The following MGAT3 variants were observed in gnomAD, a reference collection of about 807,000 sequenced individuals.
The protein encoded by MGAT3 is GlcNAc-T III.
MGAT3 carries 9 observed loss-of-function variants against 29.8 expected under a neutral mutation model. The ratio of observed to expected loss-of-function variants is 0.30; its 90% CI spans 0.18 to 0.53. MGAT3 has a LOEUF of 0.53. Among genes scored for constraint, MGAT3 ranks in the 20% least tolerant of loss-of-function variants. MGAT3 has a pLI of 0.96. For synonymous variants in MGAT3, 397 were observed against 348.9 expected (o/e 1.14, Z -1.54); for missense variants, 557 against 769.5 (o/e 0.72, Z 3.27).
intron 1 of MGAT3, among the ~76,000 whole-genome samples, chr22:39,479,184 T>C (rs1483278409): frequency 6.6e-6 from 1 of 152,102 alleles, no homozygotes; most frequent in Admixed American, 6.6e-5. Flanking sequence ...AAAAAAATGT[T>C]TAAAAAATCA....
Position 39,488,291 on chromosome 22 carries a change from T to C in MGAT3, c.944T>C (p.Ile315Thr). The change falls in exon 2 of 2, where the codon ATT becomes ACT. Residue 315 changes from isoleucine (I) to threonine (T), a missense_variant. Transcript: ENST00000341184. ...RNLRPDDVFI[I>T]DDADEIPARD... Reference sequence around the variant, plus strand: ...CTGCGGCCCGACGACGTCTTCATCATTGACGATGCGGACGAGATCCCGGCC... The same window carrying C: ...CTGCGGCCCGACGACGTCTTCATCACTGACGATGCGGACGAGATCCCGGCC... 1 of 1,611,850 alleles carries C rather than the reference T, an allele frequency of 6.2e-7. No homozygotes were observed. Among genetic ancestry groups the C allele is most frequent in the Non-Finnish European group, 8.5e-7 (1 of 1,179,966 alleles).
intron 1 of MGAT3, among the ~76,000 whole-genome samples, chr22:39,486,832 G>GT (rs1268259934): frequency 6.6e-6 from 1 of 152,172 alleles, no homozygotes; most frequent in Non-Finnish European, 1.5e-5. Context: ...TTAGAATTAA[G>GT]TGTTTTCCCT....
chr22:39,480,800 A>G (rs1929100731), intron 1 of MGAT3, among the ~76,000 whole-genome samples: 1 of 152,214 alleles, frequency 6.6e-6, no homozygotes, highest in Admixed American at 6.5e-5. Flanking sequence ...CACCCCAGTC[A>G]AGGGCTGGTC....
chr22:39,487,774 T>A lies in MGAT3; in HGVS notation c.427T>A (p.Ser143Thr). The A allele has an allele frequency of 6.7e-7, 1 of 1,498,016 alleles. No homozygotes were observed. The highest frequency in any genetic ancestry group is 8.9e-7 in the Non-Finnish European group (1 of 1,126,438). 92.8% of individuals were successfully genotyped at this position (1,498,016 alleles called of 1,614,324 possible). The change falls in exon 2 of 2, where the codon TCC (serine) becomes ACC (threonine). Residue 143 changes from serine (S) to threonine (T), a missense_variant. Physicochemically the swap from Ser to Thr is moderately conservative, Grantham distance 58. Around this residue, in one of 3 missense-constraint regions of MGAT3, gnomAD observed 212 missense variants for 228.5 expected, o/e 0.93. Transcript: ENST00000341184. The surrounding 1 kb of genome is among the most constrained non-coding windows in gnomAD (Gnocchi z 5.7). Reference protein sequence around the residue: ...PEEKPEGANGSSARRPPRYLL... With the variant: ...PEEKPEGANGTSARRPPRYLL... ...GGAGAAGCCTGAGGGGGCCAACGGC[T>A]CCTCGGCCCGGCGGCCACCCCGGTA...
intron 1 of MGAT3, among the ~76,000 whole-genome samples, chr22:39,479,588 G>A (rs1378066911): frequency 6.6e-6 from 1 of 152,246 alleles, no homozygotes; most frequent in African/African-American, 2.4e-5. Flanking sequence ...TGCTTCTGGT[G>A]TGTCCCCACC....
At chr22:39,474,570 A>C (rs1034861916) in intron 1 of MGAT3, among the ~76,000 whole-genome samples, 2 of 152,294 alleles carry the variant, frequency 1.3e-5, no homozygotes, top group East Asian at 1.9e-4. Flanking sequence ...TTCCCTGCAC[A>C]CTGGCCCAGC....
intron 1 of MGAT3, among the ~76,000 whole-genome samples, chr22:39,461,938 T>C (rs1928510786): frequency 2.0e-5 from 3 of 151,650 alleles, no homozygotes; most frequent in Admixed American, 2.0e-4. Flanking sequence ...AGTCTCACTC[T>C]GTCACCAGGC....
rs1928364923 is a variant in MGAT3 at position 39,457,482 on chromosome 22, C to T, written c.-77C>T. On this transcript the variant is annotated 5_prime_UTR_variant, in exon 1 of 2. Transcript: ENST00000341184. This position sits in a 1 kb window ranked among gnomAD's most constrained non-coding sequence, Gnocchi z 6.8. ...AGGCTGCGGCGGACGCCAGCATCTC[C>T]CCGCCGGGGACCCCGGGGGCCGCGG... 1 of 149,276 alleles carries T rather than the reference C, an allele frequency of 6.7e-6. No homozygotes were observed. Among genetic ancestry groups the T allele is most frequent in the Non-Finnish European group, 1.5e-5 (1 of 66,636 alleles). The allele number at this position is 149,276 out of a possible 1,614,324, so 9.2% of individuals were successfully genotyped here. A position where few individuals can be genotyped will look rare whatever the true frequency, so the allele number is the denominator to read the frequency against.
At chr22:39,465,228 G>T (rs1021475675) in intron 1 of MGAT3, among the ~76,000 whole-genome samples, 3 of 152,190 alleles carry the variant, frequency 2.0e-5, no homozygotes, top group Non-Finnish European at 2.9e-5. Flanking sequence ...ACACGGGCCT[G>T]GTGTCTCCTC....
intron 1 of MGAT3, among the ~76,000 whole-genome samples, chr22:39,472,349 G>A (rs1047352492): frequency 2.0e-5 from 3 of 152,160 alleles, no homozygotes; most frequent in South Asian, 2.1e-4. Flanking sequence ...GGGTCCCGCC[G>A]TGCCGAGAGT....
chr22:39,463,917 A>G (rs1928565219), intron 1 of MGAT3, among the ~76,000 whole-genome samples: 1 of 149,332 alleles, frequency 6.7e-6, no homozygotes, highest in East Asian at 2.0e-4. Context: ...CATATCTCAA[A>G]AATTAAAAAA....
chr22:39,459,072 C>CTTTTTTTTT (rs3043636), intron 1 of MGAT3, among the ~76,000 whole-genome samples: 1 of 141,322 alleles, frequency 7.1e-6, no homozygotes, highest in Admixed American at 7.1e-5. Context: ...CTTTTCTTTT[C>CTTTTTTTTT]TTTTTTTTTT....
chr22:39,475,088 G>T (rs1569002389), intron 1 of MGAT3, among the ~76,000 whole-genome samples: 2 of 150,352 alleles, frequency 1.3e-5, no homozygotes, highest in Non-Finnish European at 2.9e-5. Context: ...CTCCCTGCTG[G>T]TGTGGAGTGA....
intron 1 of MGAT3, among the ~76,000 whole-genome samples, chr22:39,466,392 C>T (rs1928647189): frequency 6.6e-6 from 1 of 152,118 alleles, no homozygotes; most frequent in African/African-American, 2.4e-5. Flanking sequence ...TCATGGGAGC[C>T]CAGGCCTGGA....
rs1215567427 is a variant in MGAT3, at chr22:39,487,746, G to A, written c.399G>A (p.Pro133=). The change falls in exon 2 of 2, where the codon CCG becomes CCA. Residue 133 remains proline (P), a synonymous_variant. Transcript: ENST00000341184. The surrounding 1 kb of genome is among the most constrained non-coding windows in gnomAD (Gnocchi z 5.7). ...TGGAGAGGCCGCCCCCGGGACGGCC[G>A]GAGGAGAAGCCTGAGGGGGCCAACG... ...KMLERPPPGR[P]EEKPEGANGS... 1 of 1,534,632 alleles carries A rather than the reference G, an allele frequency of 6.5e-7. No homozygotes were observed. Among genetic ancestry groups the A allele is most frequent in the Non-Finnish European group, 8.7e-7 (1 of 1,143,902 alleles).
Sources: gnomAD v4.1 joint callset for allele counts (sites outside exome capture counted in the v4.1 genomes callset) on GRCh38, gnomAD v4.1.1 for gene constraint, gnomAD v4.1.1 regional missense constraint, Gnocchi (gnomAD v3.1) non-coding constraint, MANE v1.5 for transcripts, NCBI Gene and HGNC (gene_info 2026-07-23, HGNC 2026-07-21) for gene names.